CCBE1: variants seen among roughly 807,000 people sequenced by gnomAD.
CCBE1 encodes the protein collagen and calcium binding EGF domains 1.
A neutral mutation model predicts 50.0 loss-of-function variants in CCBE1; 37 were observed. The ratio of observed to expected loss-of-function variants is 0.74; its 90% CI spans 0.57 to 0.97. The LOEUF (loss-of-function observed/expected upper bound fraction) is 0.97, where lower values mean the gene tolerates loss of function less well. Among genes scored for constraint, CCBE1 ranks in the 50% least tolerant of loss-of-function variants. CCBE1 has a pLI of 0.00. For synonymous variants in CCBE1, 234 were observed against 203.7 expected, an observed-to-expected ratio of 1.15 and a Z score of -1.27; for missense variants, 538 against 523.8, an observed-to-expected ratio of 1.03 and a Z score of -0.26.
intron 2 of CCBE1, among the ~76,000 whole-genome samples, chr18:59,621,411 T>C (rs1379764103): frequency 6.6e-6 from 1 of 152,194 alleles, no homozygotes; most frequent in Non-Finnish European, 1.5e-5. Flanking sequence ...ATTGGAGTCA[T>C]TGGTTTTATC....
chr18:59,591,536 A>G (rs533524685), intron 2 of CCBE1, among the ~76,000 whole-genome samples: 1 of 152,332 alleles, frequency 6.6e-6, no homozygotes. Flanking sequence ...AGCCCAAGAG[A>G]AAAATGGACA....
intron 2 of CCBE1, among the ~76,000 whole-genome samples, chr18:59,643,726 C>G (rs1350232422): frequency 6.7e-6 from 1 of 148,882 alleles, no homozygotes; most frequent in Non-Finnish European, 1.5e-5. Context: ...GAGGCTGAGG[C>G]AGGAGAATCG....
intron 6 of CCBE1, among the ~76,000 whole-genome samples, chr18:59,451,663 C>G (rs1179642179): frequency 6.6e-6 from 1 of 152,066 alleles, no homozygotes; most frequent in Non-Finnish European, 1.5e-5. Flanking sequence ...CAAAATAAAG[C>G]AAAGAACCTG....
intron 2 of CCBE1, among the ~76,000 whole-genome samples, chr18:59,592,593 A>G (rs2053287979): frequency 6.6e-6 from 1 of 152,232 alleles, no homozygotes; most frequent in Non-Finnish European, 1.5e-5. Flanking sequence ...CAACTTTACT[A>G]TAATAAAGGG....
intron 2 of CCBE1, among the ~76,000 whole-genome samples, chr18:59,670,312 G>C (rs79178777): frequency 0.014 from 2,175 of 152,208 alleles, 112 homozygotes; most frequent in East Asian, 0.12. Flanking sequence ...ATGATTTGGG[G>C]AAGAAAAGTC....
chr18:59,532,812 C>A (rs1025887056), intron 2 of CCBE1, among the ~76,000 whole-genome samples: 1 of 152,152 alleles, frequency 6.6e-6, no homozygotes, highest in African/African-American at 2.4e-5. Context: ...ATCTTTCCTC[C>A]TGAAAACAAT....
intron 2 of CCBE1, among the ~76,000 whole-genome samples, chr18:59,633,293 C>T (rs1422350111): frequency 6.6e-6 from 1 of 152,230 alleles, no homozygotes; most frequent in Non-Finnish European, 1.5e-5. Context: ...CGACGAATTA[C>T]ATGAAAATAA....
intron 2 of CCBE1, among the ~76,000 whole-genome samples, chr18:59,682,623 C>T (rs1033357421): frequency 6.6e-6 from 1 of 152,146 alleles, no homozygotes; most frequent in Non-Finnish European, 1.5e-5. Context: ...TGGCTTAGCA[C>T]CCTATTTAAC....
intron 7 of CCBE1, among the ~76,000 whole-genome samples, chr18:59,446,153 C>A (rs562036184): frequency 7.9e-5 from 12 of 152,226 alleles, no homozygotes; most frequent in Non-Finnish European, 1.6e-4. Flanking sequence ...GCTTATTCAT[C>A]CTCAATCATT....
At chr18:59,697,109 C>A (rs923744450) in intron 1 of CCBE1, 103 bp downstream of exon 1, 18 of 1,455,576 alleles carry the variant, frequency 1.2e-5, no homozygotes, top group East Asian at 2.5e-5. Context: ...TGAGGGCGTG[C>A]GGATCGCTGT....
Position 59,577,099 on chromosome 18 carries a change from G to A in CCBE1, c.213-96861C>T, listed in dbSNP as rs754367521. ...CATGTAAACTTGTGTTCGTGGAGAC[G>A]CAGAAGTGTTTGCGGTGGGTCTGTT... On this transcript the variant is annotated intron_variant, in intron 2 of 10. Coordinates refer to ENST00000439986, the MANE Select transcript of CCBE1 (RefSeq NM_133459.4). 1.1e-4 allele frequency among the ~76,000 whole-genome samples: 17 copies of A among 152,330 alleles called. No homozygotes were observed. In the South Asian group the frequency reaches 1.9e-3, roughly 17 times the overall value.
intron 2 of CCBE1, among the ~76,000 whole-genome samples, chr18:59,582,523 C>T (rs1050194276): frequency 2.0e-5 from 3 of 152,196 alleles, no homozygotes; most frequent in Non-Finnish European, 4.4e-5. Context: ...TTGCCAGAGA[C>T]TGAGGCAAGA....
At chr18:59,565,910 C>T (rs181290775) in intron 2 of CCBE1, among the ~76,000 whole-genome samples, 187 of 152,260 alleles carry the variant, frequency 1.2e-3, no homozygotes, top group Admixed American at 2.5e-3. Context: ...TCTTCTCAGG[C>T]TGTTACGTCA....
chr18:59,514,645 GA>G (rs11438608), intron 2 of CCBE1, among the ~76,000 whole-genome samples: 1,092 of 95,982 alleles, frequency 0.011, 6 homozygotes, highest in African/African-American at 0.026. Flanking sequence ...TCCTTTCCTT[GA>G]AAAAAAAAAA....
chr18:59,458,928 C>T (rs1017400202), intron 5 of CCBE1: 15 of 152,198 alleles, frequency 9.9e-5, no homozygotes, highest in African/African-American at 2.7e-4. Flanking sequence ...GGAGAGTAGG[C>T]GCTGGTGGAG....
intron 3 of CCBE1, among the ~76,000 whole-genome samples, chr18:59,472,473 A>G (rs1912078336): frequency 6.6e-6 from 1 of 152,196 alleles, no homozygotes; most frequent in African/African-American, 2.4e-5. Context: ...GATCCCCTCA[A>G]TTTTGCGAAT....
chr18:59,490,833 TTTACA>T lies in CCBE1; in HGVS notation c.213-10600_213-10596del, dbSNP rs1913065155. On this transcript the variant is annotated intron_variant, in intron 2 of 10. Coordinates refer to ENST00000439986, the MANE Select transcript of CCBE1 (RefSeq NM_133459.4). Reference sequence around the variant, plus strand: ...AATTACTGGCTTACTAGAGGTTTACTTTACATAAGATTTTAATGGAACAATTTTCT... The same window carrying T: ...AATTACTGGCTTACTAGAGGTTTACTTAAGATTTTAATGGAACAATTTTCT... Among the ~76,000 whole-genome samples, 8 of 152,364 alleles carry T rather than the reference TTTACA, an allele frequency of 5.3e-5. No homozygotes were observed. In the South Asian group the frequency reaches 1.7e-3, roughly 32 times the overall value.
intron 2 of CCBE1, among the ~76,000 whole-genome samples, chr18:59,583,042 C>T (rs1054999290): frequency 6.6e-6 from 1 of 151,932 alleles, no homozygotes; most frequent in Non-Finnish European, 1.5e-5. Context: ...TAGTCTTGAA[C>T]TCCTGGGCTT....
chr18:59,489,952 T>C (rs540988455), intron 2 of CCBE1, among the ~76,000 whole-genome samples: 56 of 151,828 alleles, frequency 3.7e-4, no homozygotes, highest in African/African-American at 1.2e-3. Context: ...AATATGATTA[T>C]ATTGTATATG....
Sources: gnomAD v4.1 joint callset for allele counts (sites outside exome capture counted in the v4.1 genomes callset) on GRCh38, gnomAD v4.1.1 for gene constraint, MANE v1.5 for transcripts, NCBI Gene and HGNC (gene_info 2026-07-23, HGNC 2026-07-21) for gene names.